MOB1B: variants seen among roughly 807,000 people sequenced by gnomAD.
MOB1B encodes MOB1 Mps One Binder homolog B.
In MOB1B, 19 loss-of-function variants were observed where a neutral mutation model predicts 24.4. The ratio of observed to expected loss-of-function variants is 0.78; its 90% CI spans 0.54 to 1.14. The LOEUF is 1.14. Ranked by LOEUF, MOB1B falls within the 50% of genes most tolerant of loss-of-function variation. MOB1B has a pLI of 0.00. For missense variants in MOB1B, 243 were observed against 259.6 expected, an observed-to-expected ratio of 0.94 and a Z score of 0.44; for synonymous variants, 76 against 82.1, an observed-to-expected ratio of 0.93 and a Z score of 0.40.
intron 1 of MOB1B, among the ~76,000 whole-genome samples, chr4:70,921,795 C>G (rs183653931): frequency 1.5e-3 from 224 of 152,250 alleles, no homozygotes; most frequent in East Asian, 0.011. Context: ...GCGTGAGCCA[C>G]CGTGCCTGGC....
chr4:70,941,897 G>C (rs1737363305), intron 1 of MOB1B, among the ~76,000 whole-genome samples: 1 of 152,094 alleles, frequency 6.6e-6, no homozygotes, highest in Admixed American at 6.5e-5. Context: ...TGATTTGATG[G>C]TAACCCTGTA....
In MOB1B at chr4:70,914,669, C is replaced by T. The variant is rs569088652; in HGVS notation, c.14+12119C>T. On this transcript the variant is annotated intron_variant, in intron 1 of 5. Transcript: ENST00000309395. ...TACCTTCAGTTGCAAGTCAGTGGCA[C>T]AGGGTTCATTCTAGCCTTCTCCTTT... 2.0e-5 allele frequency among the ~76,000 whole-genome samples: 3 copies of T among 152,322 alleles called. No homozygotes were observed. In the South Asian group the frequency reaches 6.2e-4, roughly 32 times the overall value.
intron 1 of MOB1B, among the ~76,000 whole-genome samples, chr4:70,932,409 T>C (rs10938090): frequency 0.81 from 122,799 of 152,106 alleles, 52,992 homozygotes; most frequent in Non-Finnish European, 0.96. Context: ...TTTCTTTCTT[T>C]TTTTTAACCA....
chr4:70,921,344 A>G (rs531980005), intron 1 of MOB1B, among the ~76,000 whole-genome samples: 1 of 152,286 alleles, frequency 6.6e-6, no homozygotes, highest in African/African-American at 2.4e-5. Flanking sequence ...AAAACAGTAA[A>G]CATAATGTGA....
intron 1 of MOB1B, among the ~76,000 whole-genome samples, chr4:70,957,404 G>C (rs1443603219): frequency 6.6e-6 from 1 of 151,102 alleles, no homozygotes; most frequent in Non-Finnish European, 1.5e-5. Context: ...AGTATTAACA[G>C]AAGATTTAAA....
At chr4:70,925,226 G>A (rs533293187) in intron 1 of MOB1B, among the ~76,000 whole-genome samples, 9 of 152,054 alleles carry the variant, frequency 5.9e-5, no homozygotes, top group Admixed American at 3.9e-4. Flanking sequence ...TAGTAGAGAC[G>A]GGGTTTCACC....
At chr4:70,903,339 G>GTGC (rs1402381564) in intron 1 of MOB1B, among the ~76,000 whole-genome samples, 6 of 152,220 alleles carry the variant, frequency 3.9e-5, no homozygotes, top group African/African-American at 1.4e-4. Flanking sequence ...GTCATGTTTA[G>GTGC]TGCTGGTCAT....
At chr4:70,970,369 A>G (rs1395781518) in intron 3 of MOB1B, among the ~76,000 whole-genome samples, 3 of 152,188 alleles carry the variant, frequency 2.0e-5, no homozygotes, top group African/African-American at 2.4e-5. Context: ...ATTTCAAAAA[A>G]TCTTACTGAT....
intron 1 of MOB1B, among the ~76,000 whole-genome samples, chr4:70,904,776 A>AT (rs1491168910): frequency 6.7e-6 from 1 of 149,794 alleles, no homozygotes; most frequent in Non-Finnish European, 1.5e-5. Context: ...AAAAAAAAAA[A>AT]GGTTAAAGCA....
At chr4:70,904,714 G>A (rs1363002379) in intron 1 of MOB1B, among the ~76,000 whole-genome samples, 12 of 149,476 alleles carry the variant, frequency 8.0e-5, no homozygotes, top group African/African-American at 2.5e-4. Context: ...AGACGAGATC[G>A]CGCCACTGCA....
rs561163555 is a variant in MOB1B at position 70,925,209 on chromosome 4, G to T, written c.14+22659G>T. On this transcript the variant is annotated intron_variant, in intron 1 of 5. Coordinates refer to ENST00000309395, the MANE Select transcript of MOB1B (RefSeq NM_173468.4). ...ACAGGTGTGTGCCCGGCTAATTTTT[G>T]TATTTTTAGTAGAGACGGGGTTTCA... Among the ~76,000 whole-genome samples the T allele has an allele frequency of 9.2e-5, 14 of 152,172 alleles. No individual in the cohort carries two copies. In the South Asian group the frequency reaches 2.9e-3, roughly 32 times the overall value.
At chr4:70,932,971 G>A (rs1351074772) in intron 1 of MOB1B, among the ~76,000 whole-genome samples, 2 of 152,198 alleles carry the variant, frequency 1.3e-5, no homozygotes, top group South Asian at 2.1e-4. Context: ...GTATTAGTCT[G>A]TTCTCATACT....
chr4:70,904,076 G>A (rs1486050193), intron 1 of MOB1B, among the ~76,000 whole-genome samples: 1 of 125,606 alleles, frequency 8.0e-6, no homozygotes, highest in African/African-American at 2.9e-5. Flanking sequence ...TCTGCCTCCC[G>A]GGTTCAAGCG....
intron 1 of MOB1B, among the ~76,000 whole-genome samples, chr4:70,944,279 C>G (rs1004592522): frequency 6.6e-6 from 1 of 152,214 alleles, no homozygotes; most frequent in Admixed American, 6.5e-5. Context: ...AGGTGATCCT[C>G]GCGCCTTGGC....
chr4:70,902,648 C>G (rs567941645), intron 1 of MOB1B, 98 bp downstream of exon 1: 1 of 1,194,218 alleles, frequency 8.4e-7, no homozygotes, highest in East Asian at 3.1e-5. Flanking sequence ...CCCGACCCTC[C>G]TGGCCCAGCG....
chr4:70,974,367 G>A (rs1416550690), intron 3 of MOB1B, among the ~76,000 whole-genome samples: 1 of 152,156 alleles, frequency 6.6e-6, no homozygotes, highest in East Asian at 1.9e-4. Flanking sequence ...GCCTCCTGAA[G>A]TGCTAGGATT....
intron 2 of MOB1B, among the ~76,000 whole-genome samples, chr4:70,963,111 T>C (rs183393712): frequency 4.8e-4 from 73 of 152,234 alleles, no homozygotes; most frequent in Non-Finnish European, 9.1e-4. Context: ...AGACCACATA[T>C]ATGGTAAAGG....
At chr4:70,918,516 T>C (rs1198292093) in intron 1 of MOB1B, among the ~76,000 whole-genome samples, 17 of 151,856 alleles carry the variant, frequency 1.1e-4, no homozygotes, top group East Asian at 3.9e-4. Context: ...TCATGTCCTT[T>C]GCCCACTTTT....
intron 1 of MOB1B, among the ~76,000 whole-genome samples, chr4:70,916,331 T>G (rs548745535): frequency 1.5e-4 from 23 of 152,218 alleles, no homozygotes; most frequent in Non-Finnish European, 2.8e-4. Context: ...TCTTGTCATT[T>G]CAGTTGAAGA....
Sources: gnomAD v4.1 joint callset for allele counts (sites outside exome capture counted in the v4.1 genomes callset) on GRCh38, gnomAD v4.1.1 for gene constraint, MANE v1.5 for transcripts, NCBI Gene and HGNC (gene_info 2026-07-23, HGNC 2026-07-21) for gene names.